COL4A2: variants seen among roughly 807,000 people sequenced by gnomAD.
COL4A2 encodes the protein collagen alpha-2(IV) chain.
COL4A2 carries 99 observed loss-of-function variants against 200.2 expected under a neutral mutation model. The ratio of observed to expected loss-of-function variants is 0.49; its 90% CI spans 0.42 to 0.58. The LOEUF (loss-of-function observed/expected upper bound fraction) is 0.58, where lower values mean the gene tolerates loss of function less well. Among genes scored for constraint, COL4A2 ranks in the 20% least tolerant of loss-of-function variants. COL4A2 has a pLI of 0.00. For missense variants in COL4A2, 1,950 were observed against 2,314.1 expected (o/e 0.84, Z 3.23); for synonymous variants, 897 against 900.6 (o/e 1.00, Z 0.07).
chr13:110,509,049 G>C (rs1883983478), intron 47 of COL4A2, among the ~76,000 whole-genome samples: 1 of 151,858 alleles, frequency 6.6e-6, no homozygotes, highest in South Asian at 2.1e-4. Flanking sequence ...AATACATATT[G>C]CTTTTGCACC....
At chr13:110,472,084 G>C (rs541012738) in intron 28 of COL4A2, among the ~76,000 whole-genome samples, 1 of 151,532 alleles carries the variant, frequency 6.6e-6, no homozygotes, top group African/African-American at 2.4e-5. Context: ...CCCTCCATCC[G>C]CAGATGGGAC....
In COL4A2 at chr13:110,408,927, G is replaced by A. The variant is rs138577035; in HGVS notation, c.181-15807G>A. On this transcript the variant is annotated intron_variant, in intron 4 of 47. Transcript: ENST00000360467. ...TGCAGATATACACATGCACACACACGTACACACGCACACATATATACACGG... is the reference window on the plus strand; with the variant it reads ...TGCAGATATACACATGCACACACACATACACACGCACACATATATACACGG... Among the ~76,000 whole-genome samples the A allele has an allele frequency of 1.2e-3, 64 of 52,462 alleles. 12 individuals carry two copies. The highest frequency in any genetic ancestry group is 0.01 in the Middle Eastern group (1 of 96). 34.4% of individuals were successfully genotyped at this position (52,462 alleles called of 152,430 possible). A position where few individuals can be genotyped will look rare whatever the true frequency, so the allele number is the denominator to read the frequency against.
At chr13:110,413,662 C>T (rs535353322) in intron 4 of COL4A2, among the ~76,000 whole-genome samples, 6 of 152,332 alleles carry the variant, frequency 3.9e-5, no homozygotes, top group South Asian at 4.1e-4. Context: ...GACAAAAAAA[C>T]GCAAAGGCTA....
At chr13:110,484,144 T>A (rs1010050725) in intron 32 of COL4A2, among the ~76,000 whole-genome samples, 5 of 151,958 alleles carry the variant, frequency 3.3e-5, no homozygotes, top group Non-Finnish European at 1.5e-5. Context: ...AGCTCCATGG[T>A]AATTATTTCC....
At chr13:110,461,980 C>T (rs1882043782) in intron 22 of COL4A2, 134 bp from the exon 23 acceptor site, 2 of 1,334,284 alleles carry the variant, frequency 1.5e-6, no homozygotes, top group East Asian at 2.5e-5. Flanking sequence ...GCAGAAAGTG[C>T]TCCTTGGGTG....
Position 110,424,748 on chromosome 13 carries a change from AGTG to A in COL4A2, c.197_199del (p.Val66del). 6.2e-7 allele frequency: 1 copy of A among 1,607,994 alleles called. No individual in the cohort carries two copies. On this transcript the variant is annotated inframe_deletion, in exon 5 of 48. Transcript: ENST00000360467. Reference sequence around the variant, plus strand: ...TGTTCCCACAGGGTCAGCCTGGGCCAGTGGGCCCCCAGGGGTACAATGGGCCAC... The same window carrying A: ...TGTTCCCACAGGGTCAGCCTGGGCCAGGCCCCCAGGGGTACAATGGGCCAC...
At chr13:110,484,708 A>G (rs1381416443) in intron 32 of COL4A2, among the ~76,000 whole-genome samples, 197 bp from the exon 33 acceptor site, 8 of 152,030 alleles carry the variant, frequency 5.3e-5, no homozygotes, top group African/African-American at 1.9e-4. Context: ...CCCCAGGCCC[A>G]GGACCCTGGA....
At chr13:110,329,229 A>C (rs1164255350) in intron 3 of COL4A2, among the ~76,000 whole-genome samples, 1 of 152,216 alleles carries the variant, frequency 6.6e-6, no homozygotes, top group Non-Finnish European at 1.5e-5. Context: ...AAGATACACT[A>C]ATTTTGAAAT....
intron 3 of COL4A2, among the ~76,000 whole-genome samples, chr13:110,332,683 A>G (rs956639667): frequency 6.6e-6 from 1 of 152,176 alleles, no homozygotes; most frequent in African/African-American, 2.4e-5. Context: ...GTTAACTTTT[A>G]ATAGAGGAAT....
At chr13:110,326,153 G>C (rs1885405287) in intron 3 of COL4A2, among the ~76,000 whole-genome samples, 1 of 152,152 alleles carries the variant, frequency 6.6e-6, no homozygotes, top group African/African-American at 2.4e-5. Context: ...GGGGTGAGGA[G>C]CTTCCACCTC....
At chr13:110,460,232 G>C (rs994019020) in intron 22 of COL4A2, among the ~76,000 whole-genome samples, 2 of 152,134 alleles carry the variant, frequency 1.3e-5, no homozygotes, top group South Asian at 2.1e-4. Context: ...TGTTGCTGAC[G>C]GCCATGACTC....
rs1419491713 is a variant in COL4A2, at chr13:110,313,510, G to A, written c.99+5387G>A. On this transcript the variant is annotated intron_variant, in intron 3 of 47. Transcript: ENST00000360467. ...CGGCAGGCTCCCACCCCGGTGCCCCGCGTCCACCCGGCAGGCTCCCACCCC... is the reference window on the plus strand; with the variant it reads ...CGGCAGGCTCCCACCCCGGTGCCCCACGTCCACCCGGCAGGCTCCCACCCC... Among the ~76,000 whole-genome samples, 15 of 149,300 alleles carry A rather than the reference G, an allele frequency of 1.0e-4. 2 individuals are homozygous for A. The highest frequency in any genetic ancestry group is 3.2e-4 in the African/African-American group (13 of 40,576).
At chr13:110,404,326 A>C (rs1879485003) in intron 4 of COL4A2, among the ~76,000 whole-genome samples, 1 of 152,242 alleles carries the variant, frequency 6.6e-6, no homozygotes, top group Non-Finnish European at 1.5e-5. Flanking sequence ...CTACAATACC[A>C]GACTTATAAA....
intron 4 of COL4A2, among the ~76,000 whole-genome samples, chr13:110,376,176 C>T (rs1003447439): frequency 3.3e-5 from 5 of 152,122 alleles, no homozygotes; most frequent in African/African-American, 7.2e-5. Flanking sequence ...CATGACAGTA[C>T]GAAATGCATT....
At chr13:110,511,703 C>T (rs1385737190) in intron 47 of COL4A2, among the ~76,000 whole-genome samples, 1 of 152,250 alleles carries the variant, frequency 6.6e-6, no homozygotes, top group Non-Finnish European at 1.5e-5. Context: ...GTCCATGCAG[C>T]TGCCTCTGCA....
intron 4 of COL4A2, among the ~76,000 whole-genome samples, chr13:110,382,974 A>G (rs1278722250): frequency 1.3e-5 from 2 of 152,148 alleles, no homozygotes; most frequent in Non-Finnish European, 1.5e-5. Flanking sequence ...ATTATGAGTT[A>G]TGGATATTAT....
intron 17 of COL4A2, among the ~76,000 whole-genome samples, chr13:110,446,359 A>C (rs949988914): frequency 1.3e-5 from 2 of 152,154 alleles, no homozygotes; most frequent in East Asian, 1.9e-4. Flanking sequence ...GGTGAGGCTC[A>C]AAGAGGTGAA....
chr13:110,384,111 T>C (rs1036868161), intron 4 of COL4A2, among the ~76,000 whole-genome samples: 11 of 152,190 alleles, frequency 7.2e-5, no homozygotes, highest in African/African-American at 2.7e-4. Context: ...AGAGTGGTAG[T>C]GTGTTTAGAC....
chr13:110,359,053 A>T (rs56346803), intron 4 of COL4A2, among the ~76,000 whole-genome samples: 18,062 of 152,314 alleles, frequency 0.12, 1,385 homozygotes, highest in Non-Finnish European at 0.17. Context: ...TTATACTGCA[A>T]TATAGTTATA....
Sources: gnomAD v4.1 joint callset for allele counts (sites outside exome capture counted in the v4.1 genomes callset) on GRCh38, gnomAD v4.1.1 for gene constraint, MANE v1.5 for transcripts, NCBI Gene and HGNC (gene_info 2026-07-23, HGNC 2026-07-21) for gene names.